The following ENPP3 variants were observed in gnomAD, a reference collection of about 807,000 sequenced individuals.
ENPP3 encodes the protein ectonucleotide pyrophosphatase/phosphodiesterase family member 3.
Under a neutral mutation model 117.8 loss-of-function variants are expected in ENPP3, and 104 were observed. The observed-to-expected ratio is 0.88, with a 90% CI of 0.75 to 1.04. ENPP3 has a LOEUF of 1.04. ENPP3 is among the 50% of genes least tolerant of loss of function. ENPP3 has a pLI of 0.00. For missense variants in ENPP3, 1,026 were observed against 1,051.9 expected (o/e 0.98, Z 0.34); for synonymous variants, 380 against 349.9 (o/e 1.09, Z -0.96).
intron 10 of ENPP3, 41 bp downstream of exon 10, chr6:131,676,842 T>C: frequency 1.5e-6 from 2 of 1,295,420 alleles, no homozygotes; most frequent in Non-Finnish European, 2.2e-6. Flanking sequence ...TAGTGGCATA[T>C]ATATGGGTAA....
chr6:131,701,823 A>G (rs1779538928), intron 15 of ENPP3, among the ~76,000 whole-genome samples: 1 of 150,144 alleles, frequency 6.7e-6, no homozygotes, highest in South Asian at 2.1e-4. Flanking sequence ...CGGAGCTTGC[A>G]GTGAGCCGAG....
intron 15 of ENPP3, chr6:131,710,872 A>G (rs1316795561): frequency 8.1e-6 from 13 of 1,610,598 alleles, no homozygotes; most frequent in Non-Finnish European, 1.1e-5. Context: ...AAATCCAATA[A>G]CAGCTGCACA....
intron 11 of ENPP3, 47 bp from the exon 12 acceptor site, chr6:131,683,007 A>T (rs766021036): frequency 3.5e-6 from 4 of 1,156,690 alleles, no homozygotes; most frequent in Admixed American, 3.4e-5. Context: ...GGTTTGGCTA[A>T]TTAAGACAAC....
At chr6:131,666,204 C>CT (rs1374471823) in intron 6 of ENPP3, among the ~76,000 whole-genome samples, 1 of 151,640 alleles carries the variant, frequency 6.6e-6, no homozygotes, top group Non-Finnish European at 1.5e-5. Context: ...AAGGGTTCTG[C>CT]TTTAAAAAAA....
Position 131,733,677 on chromosome 6 carries a change from C to T in ENPP3, c.2043C>T (p.Phe681=), listed in dbSNP as rs376129649. 3.7e-6 allele frequency: 6 copies of T among 1,614,026 alleles called. No homozygotes were observed. Among genetic ancestry groups the T allele is most frequent in the Non-Finnish European group, 5.1e-6 (6 of 1,180,006 alleles). Residue 681 remains phenylalanine (F), a synonymous_variant, in exon 21 of 25, where the codon TTC becomes TTT. Transcript: ENST00000357639. ...VPPSESQKCS[F]YLADKNITHG... ...CTTCTGAGAGCCAAAAATGTTCCTT[C>T]TATTTAGCAGACAAGAATATCACCC...
chr6:131,721,078 TC>T (rs1780009542), intron 17 of ENPP3, among the ~76,000 whole-genome samples: 1 of 152,176 alleles, frequency 6.6e-6, no homozygotes, highest in Admixed American at 6.5e-5. Context: ...GGGAAAAAAG[TC>T]CTAGCTGGAT....
Position 131,675,182 on chromosome 6 carries a change from T to C in ENPP3, c.865T>C (p.Tyr289His), listed in dbSNP as rs554162991. 9 of 1,569,148 alleles carry C rather than the reference T, an allele frequency of 5.7e-6. No homozygotes were observed. The African/African-American group carries it at 1.1e-4, about 19-fold the overall frequency. The change falls in exon 9 of 25, where the codon TAC becomes CAC. Residue 289 changes from tyrosine to histidine, a missense_variant. Transcript: ENST00000357639. ...CTCCTTTCCTTCCATATACATGCCT[T>C]ACAACGGGTAGTGAAGCACTTTCAG... ...NGSFPSIYMP[Y>H]NGSVPFEERI...
chr6:131,719,688 G>A (rs564321919), intron 16 of ENPP3, among the ~76,000 whole-genome samples: 11 of 152,046 alleles, frequency 7.2e-5, no homozygotes, highest in Non-Finnish European at 1.3e-4. Flanking sequence ...TTGCTTATCT[G>A]TGTTTGATAT....
intron 15 of ENPP3, among the ~76,000 whole-genome samples, chr6:131,697,034 C>G (rs927443695): frequency 1.3e-5 from 2 of 152,030 alleles, no homozygotes; most frequent in African/African-American, 4.8e-5. Flanking sequence ...CTCCCAGTGC[C>G]GGGATTACAG....
intron 6 of ENPP3, 106 bp from the exon 7 acceptor site, chr6:131,671,142 T>C: frequency 1.4e-6 from 1 of 729,896 alleles, no homozygotes; most frequent in Non-Finnish European, 2.5e-6. Context: ...ATCCACTTTT[T>C]AGTTTGTTTT....
At chr6:131,743,132 A>T (rs1780563349) in intron 24 of ENPP3, among the ~76,000 whole-genome samples, 1 of 152,186 alleles carries the variant, frequency 6.6e-6, no homozygotes, top group Non-Finnish European at 1.5e-5. Flanking sequence ...AGGGAAAGGC[A>T]AGATGAGAGA....
intron 5 of ENPP3, among the ~76,000 whole-genome samples, chr6:131,653,809 G>A (rs1301040717): frequency 6.6e-6 from 1 of 152,150 alleles, no homozygotes; most frequent in East Asian, 1.9e-4. Context: ...GGAGGTCCTT[G>A]AAGGGTGAAT....
intron 15 of ENPP3, among the ~76,000 whole-genome samples, chr6:131,703,067 GTTAAC>G (rs1001766597): frequency 2.0e-5 from 3 of 149,230 alleles, no homozygotes; most frequent in Admixed American, 6.7e-5. Context: ...CTGTACACTT[GTTAAC>G]TTAATGAGCT....
intron 17 of ENPP3, among the ~76,000 whole-genome samples, 153 bp downstream of exon 17, chr6:131,720,532 G>C (rs1295889432): frequency 1.3e-5 from 2 of 152,270 alleles, no homozygotes; most frequent in East Asian, 3.9e-4. Flanking sequence ...TCATTATTCA[G>C]AATTATTCAG....
intron 9 of ENPP3, chr6:131,675,454 C>T (rs1778846486): frequency 8.9e-6 from 3 of 336,916 alleles, no homozygotes; most frequent in Non-Finnish European, 1.7e-5. Context: ...CCTGTATTAA[C>T]TGCAGTTGCC....
At chr6:131,666,742 T>C (rs1377496680) in intron 6 of ENPP3, among the ~76,000 whole-genome samples, 2 of 152,274 alleles carry the variant, frequency 1.3e-5, no homozygotes, top group African/African-American at 4.8e-5. Context: ...ATTTATCTTG[T>C]TCCTTTGCTT....
chr6:131,681,044 G>A (rs1779012459), intron 11 of ENPP3, among the ~76,000 whole-genome samples: 1 of 151,978 alleles, frequency 6.6e-6, no homozygotes, highest in Admixed American at 6.6e-5. Context: ...GGGGTTCTTG[G>A]TGTGGTTGGG....
At position 131,676,752 on chromosome 6, in the gene ENPP3, G is replaced by T; in HGVS notation, c.889G>T (p.Glu297Ter). ...MPYNGSVPFE[E>*]RISTLLKWLD... ...TTTTTTCAGAAGTGTCCCATTTGAA[G>T]AGAGGATTTCTACACTGTTAAAATG... Residue 297 changes from glutamate (E) to a stop codon, truncating the protein, a stop_gained, in exon 10 of 25, where the codon GAG becomes TAG. Transcript: ENST00000357639. LOFTEE classifies it high-confidence loss of function. The T allele has an allele frequency of 1.2e-6, 2 of 1,608,180 alleles. No individual in the cohort carries two copies. Among genetic ancestry groups the T allele is most frequent in the Non-Finnish European group, 1.7e-6 (2 of 1,174,804 alleles).
intron 19 of ENPP3, among the ~76,000 whole-genome samples, chr6:131,724,996 G>A (rs1462417613): frequency 6.6e-6 from 1 of 150,790 alleles, no homozygotes; most frequent in Non-Finnish European, 1.5e-5. Context: ...ATCACTTGAG[G>A]TGAGGAGTTC....
Sources: allele counts gnomAD v4.1 joint callset (sites outside exome capture counted in the v4.1 genomes callset), GRCh38; gene constraint gnomAD v4.1.1; transcripts MANE v1.5; gene names NCBI Gene and HGNC (gene_info 2026-07-23, HGNC 2026-07-21).